CLMP: variants seen among roughly 807,000 people sequenced by gnomAD.
CLMP encodes CXADR like cell adhesion molecule, also known as CXADR-like membrane protein.
A neutral mutation model predicts 45.2 loss-of-function variants in CLMP; 27 were observed. The observed-to-expected ratio is 0.60, with a 90% CI of 0.44 to 0.82. CLMP has a LOEUF of 0.82. Among genes scored for constraint, CLMP ranks in the 40% least tolerant of loss-of-function variants. CLMP has a pLI of 0.00. For missense variants in CLMP, 403 were observed against 448.4 expected, an observed-to-expected ratio of 0.90 and a Z score of 0.91; for synonymous variants, 167 against 171.4, an observed-to-expected ratio of 0.97 and a Z score of 0.20.
rs769282072 is a variant in CLMP, at chr11:123,106,416, TGTGTGTGTGCGCGCGCGCGC to T, written c.29-8484_29-8465del. ...GTGTGTGTGTGTGTGTGTGTGTGTG[TGTGTGTGTGCGCGCGCGCGC>T]GCGCACGTGCCTGCCTTCCAGATTG... On this transcript the variant is annotated intron_variant, in intron 1 of 6. Transcript: ENST00000448775. 6.8e-3 allele frequency among the ~76,000 whole-genome samples: 734 copies of T among 107,590 alleles called. 1 individual carries two copies. Among genetic ancestry groups the T allele is most frequent in the African/African-American group, 0.017 (490 of 28,386 alleles). 70.6% of individuals were successfully genotyped at this position (107,590 alleles called of 152,430 possible).
chr11:123,094,088 G>A (rs952877007), intron 2 of CLMP, among the ~76,000 whole-genome samples: 7 of 152,120 alleles, frequency 4.6e-5, no homozygotes, highest in African/African-American at 1.7e-4. Context: ...CAGGCACTGA[G>A]GTCAGGGTGC....
At chr11:123,137,147 C>CTTTTTTTTTTTTTTTTTTTT (rs375816483) in intron 1 of CLMP, among the ~76,000 whole-genome samples, 22 of 82,462 alleles carry the variant, frequency 2.7e-4, no homozygotes, top group East Asian at 3.6e-4. Flanking sequence ...TTTTCTTTTT[C>CTTTTTTTTTTTTTTTTTTTT]TTTTTTTTTT....
intron 1 of CLMP, among the ~76,000 whole-genome samples, chr11:123,102,707 C>CT (rs34392557): frequency 0.15 from 14,394 of 93,068 alleles, 1,908 homozygotes; most frequent in African/African-American, 0.27. Flanking sequence ...TCCCGAGTAG[C>CT]TTTTTTTTTT....
At chr11:123,075,324 A>G (rs1384826598) in intron 5 of CLMP, among the ~76,000 whole-genome samples, 1 of 151,794 alleles carries the variant, frequency 6.6e-6, no homozygotes. Flanking sequence ...AACCCTCTTG[A>G]TATATTTGCA....
chr11:123,097,607 G>A (rs1004874152), intron 2 of CLMP, among the ~76,000 whole-genome samples, 188 bp downstream of exon 2: 1 of 152,190 alleles, frequency 6.6e-6, no homozygotes, highest in Non-Finnish European at 1.5e-5. Context: ...GAGATTATAG[G>A]TGTGAGCCAC....
intron 1 of CLMP, among the ~76,000 whole-genome samples, chr11:123,118,929 T>TTTTCTTTCTTTC (rs1314714578): frequency 6.0e-5 from 6 of 99,418 alleles, no homozygotes; most frequent in African/African-American, 8.4e-5. Flanking sequence ...TTTTCTTTTC[T>TTTTCTTTCTTTC]TTTCTTTCTT....
intron 1 of CLMP, among the ~76,000 whole-genome samples, chr11:123,111,789 A>G (rs542680766): frequency 6.6e-6 from 1 of 152,352 alleles, no homozygotes; most frequent in South Asian, 2.1e-4. Context: ...CTTAGAAAAT[A>G]CGGTTAGGCA....
intron 1 of CLMP, among the ~76,000 whole-genome samples, chr11:123,147,680 G>A (rs1325003655): frequency 6.6e-6 from 1 of 152,146 alleles, no homozygotes; most frequent in Non-Finnish European, 1.5e-5. Flanking sequence ...GTGCCTGCAG[G>A]GTCAGGACCA....
In CLMP at chr11:123,072,378, G is replaced by T. The variant is rs1032690112; in HGVS notation, c.*1096C>A. On this transcript the variant is annotated 3_prime_UTR_variant, in exon 7 of 7. Transcript: ENST00000448775. ...GGCTGGAGTGCAATGGCATAATCTT[G>T]GCTCACTGCAACCTCCACCTGCTGG... 2.7e-5 allele frequency: 4 copies of T among 148,238 alleles called. No homozygotes were observed. The highest frequency in any genetic ancestry group is 6.8e-5 in the Admixed American group (1 of 14,682). 9.2% of individuals were successfully genotyped at this position (148,238 alleles called of 1,614,324 possible).
At chr11:123,133,940 T>C (rs1023954116) in intron 1 of CLMP, among the ~76,000 whole-genome samples, 1 of 152,176 alleles carries the variant, frequency 6.6e-6, no homozygotes, top group East Asian at 1.9e-4. Context: ...CTTTTCCTTA[T>C]GAAGGCTCTC....
At chr11:123,115,278 GC>G (rs1860705592) in intron 1 of CLMP, among the ~76,000 whole-genome samples, 1 of 151,986 alleles carries the variant, frequency 6.6e-6, no homozygotes, top group African/African-American at 2.4e-5. Context: ...CAACTCCTGG[GC>G]TCAAGCGATC....
At chr11:123,134,403 T>C (rs1861038531) in intron 1 of CLMP, among the ~76,000 whole-genome samples, 1 of 152,176 alleles carries the variant, frequency 6.6e-6, no homozygotes, top group Non-Finnish European at 1.5e-5. Context: ...ACAAGTATTA[T>C]GATTAATTTT....
chr11:123,111,720 G>A (rs1480022146), intron 1 of CLMP, among the ~76,000 whole-genome samples: 1 of 152,152 alleles, frequency 6.6e-6, no homozygotes, highest in African/African-American at 2.4e-5. Flanking sequence ...TTGTGGTTAT[G>A]TGCTAAATTT....
chr11:123,118,029 T>G (rs1315074719), intron 1 of CLMP, among the ~76,000 whole-genome samples: 1 of 152,166 alleles, frequency 6.6e-6, no homozygotes, highest in African/African-American at 2.4e-5. Context: ...TATGAATGTG[T>G]TCATGGAAAG....
At chr11:123,106,970 G>C (rs952208188) in intron 1 of CLMP, among the ~76,000 whole-genome samples, 1 of 150,654 alleles carries the variant, frequency 6.6e-6, no homozygotes, top group Non-Finnish European at 1.5e-5. Context: ...CAGTGAGCCG[G>C]ATTGAGCCAC....
chr11:123,109,971 A>G (rs892266863), intron 1 of CLMP, among the ~76,000 whole-genome samples: 1 of 152,232 alleles, frequency 6.6e-6, no homozygotes, highest in Non-Finnish European at 1.5e-5. Flanking sequence ...TAATGCAGTT[A>G]TAGGTGAACA....
chr11:123,164,981 GA>G (rs1317806660), intron 1 of CLMP, among the ~76,000 whole-genome samples: 1 of 152,200 alleles, frequency 6.6e-6, no homozygotes, highest in East Asian at 1.9e-4. Flanking sequence ...TGTCGTAACA[GA>G]AGGGTCATGC....
chr11:123,139,928 G>C (rs752907121), intron 1 of CLMP, among the ~76,000 whole-genome samples: 2 of 152,212 alleles, frequency 1.3e-5, no homozygotes, highest in Admixed American at 6.5e-5. Flanking sequence ...GTCCGATGGC[G>C]ATAAAAGGGT....
chr11:123,074,433 C>T (rs762005304), intron 6 of CLMP, among the ~76,000 whole-genome samples: 40 of 152,114 alleles, frequency 2.6e-4, no homozygotes, highest in Non-Finnish European at 4.1e-4. Flanking sequence ...CCTCCCGCCT[C>T]GGCCTCCCAA....
Sources: allele counts gnomAD v4.1 joint callset (sites outside exome capture counted in the v4.1 genomes callset), GRCh38; gene constraint gnomAD v4.1.1; transcripts MANE v1.5; gene names NCBI Gene and HGNC (gene_info 2026-07-23, HGNC 2026-07-21).